The following PARD6G variants were observed in gnomAD, a reference collection of about 807,000 sequenced individuals.
PARD6G encodes partitioning defective 6 homolog gamma.
PARD6G carries 7 observed loss-of-function variants against 10.7 expected under a neutral mutation model. The ratio of observed to expected loss-of-function variants is 0.66; its 90% CI spans 0.37 to 1.23. PARD6G has a LOEUF of 1.23. PARD6G is among the 50% of genes most tolerant of loss of function. PARD6G has a pLI of 0.02. For synonymous variants in PARD6G, 287 were observed against 269.4 expected (o/e 1.07, Z -0.64); for missense variants, 548 against 571.8 (o/e 0.96, Z 0.42).
chr18:80,213,547 T>C (rs1007808028), intron 1 of PARD6G, among the ~76,000 whole-genome samples: 1 of 152,090 alleles, frequency 6.6e-6, no homozygotes, highest in Non-Finnish European at 1.5e-5. Context: ...TAAGCAAAGA[T>C]TGAAAGTCAC....
rs574084950 is a variant in PARD6G, at chr18:80,183,291, C to A, written c.295+19419G>T. ...CGCATACAGGCATAGTGGAAAAGTA[C>A]GCTGACCTTCTCAGTGGCTCTAAAA... On this transcript the variant is annotated intron_variant, in intron 2 of 2. Transcript: ENST00000353265. The surrounding 1 kb of genome is among the most constrained non-coding windows in gnomAD (Gnocchi z 4.5). The A allele has an allele frequency of 3.3e-4, 212 of 646,734 alleles. No individual in the cohort carries two copies. Among genetic ancestry groups the A allele is most frequent in the Non-Finnish European group, 2.7e-4 (96 of 357,048 alleles). 40.1% of individuals were successfully genotyped at this position (646,734 alleles called of 1,614,324 possible).
In PARD6G at chr18:80,160,241, C is replaced by G; in HGVS notation, c.661G>C (p.Gly221Arg). ...AGCGTCTTCCCGGCCACCTCAATGC[C>G]GTTCACCTCCAGGACCTCGTCATTC... is the stretch of plus-strand genomic sequence containing the variant. Reference protein sequence around the residue: ...AVNDEVLEVNGIEVAGKTLDQ... With the variant: ...AVNDEVLEVNRIEVAGKTLDQ... Residue 221 changes from glycine (G) to arginine (R), a missense_variant, in exon 3 of 3, where the codon GGC (glycine) becomes CGC (arginine). This residue lies in a region of PARD6G where 313 missense variants were observed against 279.9 expected (regional missense o/e 1.12). Coordinates refer to ENST00000353265, the MANE Select transcript of PARD6G (RefSeq NM_032510.4). 6.2e-7 allele frequency: 1 copy of G among 1,613,052 alleles called. No homozygotes were observed. The highest frequency in any genetic ancestry group is 1.1e-5 in the South Asian group (1 of 91,090).
chr18:80,174,418 T>C (rs1396386525), intron 2 of PARD6G, among the ~76,000 whole-genome samples: 1 of 152,106 alleles, frequency 6.6e-6, no homozygotes, highest in Non-Finnish European at 1.5e-5. Context: ...TCCTCTCACC[T>C]CAGCCTCCCA....
At position 80,160,901 on chromosome 18, in the gene PARD6G, G is replaced by A. The variant is rs74829807; in HGVS notation, c.296-295C>T. Among the ~76,000 whole-genome samples the A allele has an allele frequency of 9.0e-3, 1,364 of 152,336 alleles. 17 individuals are homozygous for A. Among genetic ancestry groups the A allele is most frequent in the African/African-American group, 0.031 (1,280 of 41,570 alleles). On this transcript the variant is annotated intron_variant, in intron 2 of 2. Coordinates refer to ENST00000353265, the MANE Select transcript of PARD6G (RefSeq NM_032510.4). The stretch of plus-strand genomic sequence containing the variant: ...AGAATCAATGGCAGTGGAGGGTTTA[G>A]GGCTTGGAGGGCTGGCGAGTGCCTC...
chr18:80,187,760 G>C (rs369800041), intron 2 of PARD6G: 8 of 152,184 alleles, frequency 5.3e-5, no homozygotes, highest in African/African-American at 1.9e-4. Context: ...AGATTGCCAT[G>C]GTTCTGAGAA....
chr18:80,160,158 C>A lies in PARD6G; in HGVS notation c.744G>T (p.Lys248Asn), dbSNP rs1435257444. The change falls in exon 3 of 3, where the codon AAG becomes AAT. Residue 248 changes from lysine (K) to asparagine (N), a missense_variant. Lys to Asn is a moderately conservative substitution (Grantham distance 94, BLOSUM62 0). This residue lies in a region of PARD6G where 313 missense variants were observed against 279.9 expected (regional missense o/e 1.12). Coordinates refer to ENST00000353265, the MANE Select transcript of PARD6G (RefSeq NM_032510.4). ...ANSHNLIVTV[K>N]PANQRNNVVR... ...CCACGTTGTTGCGCTGGTTGGCGGG[C>A]TTGACGGTGACGATGAGGTTGTGGC... is the stretch of plus-strand genomic sequence containing the variant. The A allele has an allele frequency of 6.2e-7, 1 of 1,613,278 alleles. No individual in the cohort carries two copies. Among genetic ancestry groups the A allele is most frequent in the Admixed American group, 1.7e-5 (1 of 59,994 alleles).
rs1376897647 is a variant in PARD6G at position 80,231,490 on chromosome 18, T to C, written c.72+15787A>G. Among the ~76,000 whole-genome samples, 1 of 152,056 alleles carries C rather than the reference T, an allele frequency of 6.6e-6. No individual in the cohort carries two copies. The highest frequency in any genetic ancestry group is 1.5e-5 in the Non-Finnish European group (1 of 67,998). On this transcript the variant is annotated intron_variant, in intron 1 of 2. Coordinates refer to ENST00000353265, the MANE Select transcript of PARD6G (RefSeq NM_032510.4). The surrounding 1 kb of genome is among the most constrained non-coding windows in gnomAD (Gnocchi z 4.2). ...GGCTGGGTCACTGGAGTTGTACAAA[T>C]ACAGACAGACAACATAGCAAAGCTG...
intron 1 of PARD6G, among the ~76,000 whole-genome samples, chr18:80,207,463 T>G (rs1967064790): frequency 6.6e-6 from 1 of 152,216 alleles, no homozygotes; most frequent in African/African-American, 2.4e-5. Context: ...ATACTTAATG[T>G]AAACGAAAGA....
intron 1 of PARD6G, among the ~76,000 whole-genome samples, chr18:80,205,255 T>C (rs1182089704): frequency 6.6e-6 from 1 of 152,210 alleles, no homozygotes; most frequent in Non-Finnish European, 1.5e-5. Flanking sequence ...GCGATGCAGA[T>C]TCTTTCACAC....
At chr18:80,166,737 G>A (rs931013783) in intron 2 of PARD6G, among the ~76,000 whole-genome samples, 14 of 151,572 alleles carry the variant, frequency 9.2e-5, no homozygotes, top group Non-Finnish European at 1.3e-4. Flanking sequence ...CCACCTTCCC[G>A]GGGAACTTCA....
intron 2 of PARD6G, chr18:80,170,735 TA>T (rs1284082981): frequency 1.3e-5 from 2 of 152,290 alleles, no homozygotes; most frequent in Non-Finnish European, 2.9e-5. Flanking sequence ...TCTGGAACTT[TA>T]AGCAACATTT....
Position 80,158,989 on chromosome 18 carries a change from G to GTAT in PARD6G, c.*779_*781dup, listed in dbSNP as rs2145236172. The GTAT allele has an allele frequency of 9.7e-6, 1 of 103,322 alleles. No homozygotes were observed. The highest frequency in any genetic ancestry group is 2.8e-5 in the African/African-American group (1 of 35,224). 6.4% of individuals were successfully genotyped at this position (103,322 alleles called of 1,614,324 possible). On this transcript the variant is annotated 3_prime_UTR_variant, in exon 3 of 3. Coordinates refer to ENST00000353265, the MANE Select transcript of PARD6G (RefSeq NM_032510.4). ...TGGTTGTACATGGACAGGTTTGGGT[G>GTAT]TATTTTTTTTTTTTCCCGAGACAGA...
Position 80,181,990 on chromosome 18 carries a change from G to T in PARD6G, c.295+20720C>A, listed in dbSNP as rs746481159. Among the ~76,000 whole-genome samples the T allele has an allele frequency of 7.9e-5, 12 of 152,184 alleles. No individual in the cohort carries two copies. The highest frequency in any genetic ancestry group is 1.2e-4 in the Non-Finnish European group (8 of 68,042). On this transcript the variant is annotated intron_variant, in intron 2 of 2. Transcript: ENST00000353265. This position sits in a 1 kb window ranked among gnomAD's most constrained non-coding sequence, Gnocchi z 7.9. ...CTTTGCAGAGTTCAGAGCTCTCGCA[G>T]GCCTCGTGTTCAACTCCTCATCTTG...
At chr18:80,194,692 G>A (rs1476109315) in intron 2 of PARD6G, among the ~76,000 whole-genome samples, 2 of 152,054 alleles carry the variant, frequency 1.3e-5, no homozygotes, top group South Asian at 2.1e-4. Context: ...CCTAGGCCAC[G>A]TGGGGAATTA....
Position 80,184,810 on chromosome 18 carries a change from A to G in PARD6G, c.295+17900T>C, listed in dbSNP as rs550991332. On this transcript the variant is annotated intron_variant, in intron 2 of 2. Transcript: ENST00000353265. This position sits in a 1 kb window ranked among gnomAD's most constrained non-coding sequence, Gnocchi z 4.5. ...GGGGTTGGGGGAATGGGGAGAGACT[A>G]CTTAACAGGCAGAGACTTGTTTTTG... 1 of 152,326 alleles carries G rather than the reference A, an allele frequency of 6.6e-6. No homozygotes were observed. Among genetic ancestry groups the G allele is most frequent in the South Asian group, 2.1e-4 (1 of 4,828 alleles). The allele number at this position is 152,326 out of a possible 1,614,324, so 9.4% of individuals were successfully genotyped here.
In PARD6G at chr18:80,224,359, G is replaced by A. The variant is rs532749957; in HGVS notation, c.73-21427C>T. ...CTAGAAGGTATGAAAGTCTTTTTCT[G>A]TCTAAAACAAAAATCCAAAATCCTT... On this transcript the variant is annotated intron_variant, in intron 1 of 2. Transcript: ENST00000353265. Among the ~76,000 whole-genome samples, 31 of 152,238 alleles carry A rather than the reference G, an allele frequency of 2.0e-4. No homozygotes were observed. In the South Asian group the frequency reaches 6.4e-3, roughly 32 times the overall value.
intron 1 of PARD6G, among the ~76,000 whole-genome samples, chr18:80,225,003 C>T (rs560813050): frequency 8.5e-5 from 13 of 152,252 alleles, no homozygotes; most frequent in African/African-American, 2.9e-4. Context: ...AGGCATTCTT[C>T]TTACCACTGA....
At chr18:80,205,873 G>A (rs574847373) in intron 1 of PARD6G, among the ~76,000 whole-genome samples, 1 of 152,290 alleles carries the variant, frequency 6.6e-6, no homozygotes, top group Admixed American at 6.5e-5. Flanking sequence ...TCGTTTAACT[G>A]AATACATAAG....
intron 1 of PARD6G, among the ~76,000 whole-genome samples, chr18:80,241,635 G>A (rs570269140): frequency 1.2e-4 from 18 of 152,304 alleles, no homozygotes; most frequent in African/African-American, 3.1e-4. Flanking sequence ...AGCAGGCAAC[G>A]TCCAGCCTGG....
Sources: allele counts gnomAD v4.1 joint callset (sites outside exome capture counted in the v4.1 genomes callset), GRCh38; gene constraint gnomAD v4.1.1; regional missense constraint gnomAD v4.1.1; non-coding constraint Gnocchi (gnomAD v3.1); transcripts MANE v1.5; gene names NCBI Gene and HGNC (gene_info 2026-07-23, HGNC 2026-07-21).